RSL24D1: variants seen among roughly 807,000 people sequenced by gnomAD.
RSL24D1 encodes probable ribosome biogenesis protein RLP24.
In RSL24D1, 6 loss-of-function variants were observed where a neutral mutation model predicts 26.2. The ratio of observed to expected loss-of-function variants is 0.23; its 90% CI spans 0.13 to 0.45. The LOEUF (loss-of-function observed/expected upper bound fraction) is 0.45, where lower values mean the gene tolerates loss of function less well. Among genes scored for constraint, RSL24D1 ranks in the 20% least tolerant of loss-of-function variants. RSL24D1 has a pLI of 0.99. For missense variants in RSL24D1, 176 were observed against 202.6 expected (o/e 0.87, Z 0.80); for synonymous variants, 61 against 59.1 (o/e 1.03, Z -0.15).
chr15:55,191,391 GTTGAACCATATGAAACTGCCATTTT>G (rs1894295804), intron 2 of RSL24D1, among the ~76,000 whole-genome samples: 1 of 151,956 alleles, frequency 6.6e-6, no homozygotes, highest in Non-Finnish European at 1.5e-5. Context: ...TTTGAATTAT[GTTGAACCATATGAAACTGCCATTTT>G]TTACAGATCA....
intron 4 of RSL24D1, 112 bp from the exon 5 acceptor site, chr15:55,183,512 G>A (rs1204816171): frequency 1.4e-6 from 1 of 703,382 alleles, no homozygotes; most frequent in East Asian, 2.8e-5. Flanking sequence ...CCACAGATGG[G>A]GAATGGAAAC....
rs57254193 is a variant in RSL24D1, at chr15:55,190,249, C to CAAAAAAAA, written c.268+718_268+725dup. ...TGGGACAGAGCAAGACTTTCCAACT[C>CAAAAAAAA]AAAAAAAAAAAAAAAAAAAAAAAAG... On this transcript the variant is annotated intron_variant, in intron 3 of 5. Transcript: ENST00000260443. 9.0e-4 allele frequency among the ~76,000 whole-genome samples: 31 copies of CAAAAAAAA among 34,460 alleles called. 1 individual carries two copies. The highest frequency in any genetic ancestry group is 1.8e-3 in the East Asian group (2 of 1,128). 22.6% of individuals were successfully genotyped at this position (34,460 alleles called of 152,430 possible).
chr15:55,184,892 A>C (rs143161727), intron 4 of RSL24D1, among the ~76,000 whole-genome samples: 1 of 152,160 alleles, frequency 6.6e-6, no homozygotes, highest in Non-Finnish European at 1.5e-5. Context: ...CAATAACTTG[A>C]CCTATAGTCT....
intron 1 of RSL24D1, chr15:55,195,327 T>A (rs114313330): frequency 6.6e-6 from 1 of 152,108 alleles, no homozygotes; most frequent in Non-Finnish European, 1.5e-5. Context: ...CAATGGAAAA[T>A]TCAGATTTGG....
intron 3 of RSL24D1, 54 bp from the exon 4 acceptor site, chr15:55,185,479 A>G: frequency 8.3e-7 from 1 of 1,206,194 alleles, no homozygotes; most frequent in East Asian, 2.4e-5. Flanking sequence ...CGGTATGATC[A>G]ACAACTGCAT....
chr15:55,187,461 A>G (rs1328033983), intron 3 of RSL24D1, among the ~76,000 whole-genome samples: 1 of 152,214 alleles, frequency 6.6e-6, no homozygotes, highest in Non-Finnish European at 1.5e-5. Flanking sequence ...ATCTAACTGT[A>G]CAATTCACAA....
At position 55,182,237 on chromosome 15, in the gene RSL24D1, A is replaced by G. The variant is rs1435918510; in HGVS notation, c.419-12T>C. 6.5e-7 allele frequency: 1 copy of G among 1,538,638 alleles called. No homozygotes were observed. The highest frequency in any genetic ancestry group is 9.0e-7 in the Non-Finnish European group (1 of 1,112,340). On this transcript the variant is annotated splice_polypyrimidine_tract_variant and intron_variant, in intron 5 of 5. Coordinates refer to ENST00000260443, the MANE Select transcript of RSL24D1 (RefSeq NM_016304.3). ...CTGTTTCCCTTTGCCTTTAATAAAAATAAGTAAAAAATAAACAACTTAATT... is the reference window on the plus strand; with the variant it reads ...CTGTTTCCCTTTGCCTTTAATAAAAGTAAGTAAAAAATAAACAACTTAATT...
At chr15:55,191,472 GA>G (rs556157608) in intron 2 of RSL24D1, among the ~76,000 whole-genome samples, 29 of 139,310 alleles carry the variant, frequency 2.1e-4, no homozygotes, top group South Asian at 2.2e-4. Flanking sequence ...GTAGGAGACA[GA>G]AAAAAAAAAA....
Position 55,192,875 on chromosome 15 carries a change from C to T in RSL24D1, c.82-42G>A, listed in dbSNP as rs770822135. On this transcript the variant is annotated intron_variant, in intron 1 of 5. Transcript: ENST00000260443. The stretch of plus-strand genomic sequence containing the variant: ...AATATTGAGAAGTCAACATTAAAAA[C>T]TTTTCTATCACAAGACGTTACCCCT... The T allele has an allele frequency of 3.1e-5, 42 of 1,373,224 alleles. No homozygotes were observed. The East Asian group carries it at 6.9e-4, about 22-fold the overall frequency. 85.1% of individuals were successfully genotyped at this position (1,373,224 alleles called of 1,614,324 possible).
chr15:55,182,868 A>G (rs960470735), intron 5 of RSL24D1, among the ~76,000 whole-genome samples: 2 of 152,192 alleles, frequency 1.3e-5, no homozygotes, highest in African/African-American at 4.8e-5. Flanking sequence ...GAGCAAAAGA[A>G]ACAGTAGTCC....
chr15:55,184,809 C>A (rs1894206676), intron 4 of RSL24D1, among the ~76,000 whole-genome samples: 1 of 152,142 alleles, frequency 6.6e-6, no homozygotes, highest in Admixed American at 6.6e-5. Context: ...TCTGAGACAT[C>A]CCTGCCAAAG....
chr15:55,196,778 G>A, intron 1 of RSL24D1, 32 bp downstream of exon 1: 3 of 1,609,682 alleles, frequency 1.9e-6, no homozygotes, highest in Non-Finnish European at 2.5e-6. Context: ...CGGGAGCTAG[G>A]CTGAAGCAAG....
chr15:55,185,283 T>A (rs1004260013), intron 4 of RSL24D1, 79 bp downstream of exon 4: 6 of 1,142,932 alleles, frequency 5.2e-6, no homozygotes, highest in Admixed American at 2.8e-5. Flanking sequence ...AAATAAAAAA[T>A]TTTTTTAAAA....
chr15:55,182,499 A>C (rs1342546790), intron 5 of RSL24D1, among the ~76,000 whole-genome samples: 1 of 152,178 alleles, frequency 6.6e-6, no homozygotes, highest in Non-Finnish European at 1.5e-5. Context: ...GCTGAAGGTC[A>C]CTCAACTAGA....
At position 55,194,975 on chromosome 15, in the gene RSL24D1, A is replaced by G. The variant is rs573820292; in HGVS notation, c.81+1835T>C. Among the ~76,000 whole-genome samples the G allele has an allele frequency of 2.6e-4, 38 of 148,638 alleles. No individual in the cohort carries two copies. In the South Asian group the frequency reaches 3.4e-3, roughly 13 times the overall value. Reference sequence around the variant, plus strand: ...GAGACTGAGGCTGCAGAGAGCCATGATCACACATCTGCACTCCAGCCTGGG... The same window carrying G: ...GAGACTGAGGCTGCAGAGAGCCATGGTCACACATCTGCACTCCAGCCTGGG... On this transcript the variant is annotated intron_variant, in intron 1 of 5. Transcript: ENST00000260443.
At position 55,181,837 on chromosome 15, in the gene RSL24D1, G is replaced by A. The variant is rs1198697813; in HGVS notation, c.*315C>T. 1 of 219,176 alleles carries A rather than the reference G, an allele frequency of 4.6e-6. No individual in the cohort carries two copies. Among genetic ancestry groups the A allele is most frequent in the East Asian group, 9.6e-5 (1 of 10,384 alleles). 13.6% of individuals were successfully genotyped at this position (219,176 alleles called of 1,614,324 possible). On this transcript the variant is annotated 3_prime_UTR_variant, in exon 6 of 6. Coordinates refer to ENST00000260443, the MANE Select transcript of RSL24D1 (RefSeq NM_016304.3). Reference sequence around the variant, plus strand: ...TATACATCACTAGCCATGAATTTTTGCCATTAGTTACTATACAAATGCTGC... The same window carrying A: ...TATACATCACTAGCCATGAATTTTTACCATTAGTTACTATACAAATGCTGC...
chr15:55,182,232 T>C lies in RSL24D1; in HGVS notation c.419-7A>G, dbSNP rs1381120560. ...TCCAACTGTTTCCCTTTGCCTTTAA[T>C]AAAAATAAGTAAAAAATAAACAACT... On this transcript the variant is annotated splice_region_variant and splice_polypyrimidine_tract_variant and intron_variant, in intron 5 of 5. Coordinates refer to ENST00000260443, the MANE Select transcript of RSL24D1 (RefSeq NM_016304.3). 3 of 1,532,024 alleles carry C rather than the reference T, an allele frequency of 2.0e-6. No individual in the cohort carries two copies. Among genetic ancestry groups the C allele is most frequent in the Non-Finnish European group, 2.7e-6 (3 of 1,106,566 alleles). 94.9% of individuals were successfully genotyped at this position (1,532,024 alleles called of 1,614,324 possible).
Position 55,192,901 on chromosome 15 carries a change from GC to G in RSL24D1, c.82-69del, listed in dbSNP as rs369643085. The G allele has an allele frequency of 5.7e-4, 552 of 974,796 alleles. 2 individuals carry two copies. The African/African-American group carries it at 7.7e-3, about 14-fold the overall frequency. 60.4% of individuals were successfully genotyped at this position (974,796 alleles called of 1,614,324 possible). On this transcript the variant is annotated intron_variant, in intron 1 of 5. Coordinates refer to ENST00000260443, the MANE Select transcript of RSL24D1 (RefSeq NM_016304.3). ...TTTTCTATCACAAGACGTTACCCCTGCTAGACAAAAAATACTTTCCCTTCTA... is the reference window on the plus strand; with the variant it reads ...TTTTCTATCACAAGACGTTACCCCTGTAGACAAAAAATACTTTCCCTTCTA...
intron 3 of RSL24D1, among the ~76,000 whole-genome samples, chr15:55,190,414 C>CAA (rs146559322): frequency 1.3e-5 from 2 of 151,252 alleles, no homozygotes; most frequent in Non-Finnish European, 1.5e-5. Context: ...CAAAACAAAA[C>CAA]AAAAAAAACA....
Sources: allele counts gnomAD v4.1 joint callset (sites outside exome capture counted in the v4.1 genomes callset), GRCh38; gene constraint gnomAD v4.1.1; transcripts MANE v1.5; gene names NCBI Gene and HGNC (gene_info 2026-07-23, HGNC 2026-07-21).